Variants in GIGYF2 observed in about 807,000 individuals in gnomAD.
The protein encoded by GIGYF2 is GRB10 interacting GYF protein 2.
A neutral mutation model predicts 208.1 loss-of-function variants in GIGYF2; 25 were observed. The ratio of observed to expected loss-of-function variants is 0.12; its 90% confidence interval spans 0.09 to 0.17. The LOEUF is 0.17. Ranked by LOEUF, GIGYF2 falls within the 10% of genes least tolerant of loss-of-function variation. The pLI is 1.00. For synonymous variants in GIGYF2, 534 were observed against 543.8 expected, an observed-to-expected ratio of 0.98 and a Z score of 0.25; for missense variants, 1,302 against 1,579.4, an observed-to-expected ratio of 0.82 and a Z score of 2.98.
At chr2:232,754,711 A>G (rs570070455) in intron 5 of GIGYF2, among the ~76,000 whole-genome samples, 1 of 152,308 alleles carries the variant, frequency 6.6e-6, no homozygotes, top group East Asian at 1.9e-4. Flanking sequence ...TCTGTGCTAA[A>G]AGGTAAGTTA....
intron 21 of GIGYF2, among the ~76,000 whole-genome samples, chr2:232,824,645 G>A (rs1446207951): frequency 6.6e-6 from 1 of 152,244 alleles, no homozygotes; most frequent in Non-Finnish European, 1.5e-5. Context: ...AGCACAAGGT[G>A]AAGCAGCTAG....
chr2:232,837,904 A>G (rs1163343129), intron 22 of GIGYF2, among the ~76,000 whole-genome samples: 1 of 152,238 alleles, frequency 6.6e-6, no homozygotes, highest in Non-Finnish European at 1.5e-5. Context: ...TAGCAATGTC[A>G]GCGCAGAACA....
chr2:232,706,908 T>A (rs1696139744), intron 2 of GIGYF2, among the ~76,000 whole-genome samples: 1 of 145,698 alleles, frequency 6.9e-6, no homozygotes, highest in Non-Finnish European at 1.5e-5. Context: ...ATTGCACCAC[T>A]GCATCCCTAC....
intron 9 of GIGYF2, chr2:232,788,511 C>A: frequency 2.1e-6 from 1 of 466,230 alleles, no homozygotes; most frequent in South Asian, 1.6e-5. Flanking sequence ...AGACTATGTT[C>A]CCAACAAGCA....
chr2:232,799,160 ATT>A (rs1467375757), intron 14 of GIGYF2, among the ~76,000 whole-genome samples: 1 of 152,074 alleles, frequency 6.6e-6, no homozygotes, highest in African/African-American at 2.4e-5. Flanking sequence ...ACTGAATAAT[ATT>A]CCCCTGTAGG....
At chr2:232,810,423 G>A (rs903776064) in intron 16 of GIGYF2, 3 of 153,396 alleles carry the variant, frequency 2.0e-5, no homozygotes, top group Non-Finnish European at 2.9e-5. Flanking sequence ...GTATATAAGC[G>A]AGAGGGTGGG....
chr2:232,768,702 A>C, intron 8 of GIGYF2: 1 of 1,604,644 alleles, frequency 6.2e-7, no homozygotes, highest in Non-Finnish European at 8.5e-7. Flanking sequence ...GGTGTTGGCC[A>C]CTTGGAAGAT....
chr2:232,728,268 C>T (rs1012935730), intron 2 of GIGYF2, among the ~76,000 whole-genome samples: 4 of 152,090 alleles, frequency 2.6e-5, no homozygotes, highest in Admixed American at 2.6e-4. Flanking sequence ...CATGGGTTGT[C>T]AGATTGACGA....
intron 2 of GIGYF2, among the ~76,000 whole-genome samples, chr2:232,713,474 C>G (rs1320029844): frequency 2.6e-5 from 4 of 152,178 alleles, no homozygotes; most frequent in African/African-American, 9.7e-5. Context: ...GTGCGGAATT[C>G]CAGTTATTAA....
At chr2:232,855,160 C>T (rs1344509805) in intron 28 of GIGYF2, among the ~76,000 whole-genome samples, 2 of 142,786 alleles carry the variant, frequency 1.4e-5, no homozygotes, top group Non-Finnish European at 3.0e-5. Context: ...TATCTCAGCT[C>T]ACTAAAATCT....
intron 2 of GIGYF2, among the ~76,000 whole-genome samples, chr2:232,733,630 C>T (rs12478564): frequency 0.32 from 48,133 of 151,956 alleles, 7,986 homozygotes; most frequent in South Asian, 0.62. Context: ...TACAGTTGTC[C>T]CTCAGTATCC....
rs1700569703 is a variant in GIGYF2, at chr2:232,806,621, T to C, written c.1770T>C (p.Val590=). 12 of 1,613,300 alleles carry C rather than the reference T, an allele frequency of 7.4e-6. No individual in the cohort carries two copies. Among genetic ancestry groups the C allele is most frequent in the African/African-American group, 2.7e-5 (2 of 75,008 alleles). ...ATATCATGAAAATGTGGGGAAGGGTTCCCTTTTCTCCAGGTCCAGCTCCCC... is the reference window on the plus strand; with the variant it reads ...ATATCATGAAAATGTGGGGAAGGGTCCCCTTTTCTCCAGGTCCAGCTCCCC... ...LGDIMKMWGR[V]PFSPGPAPPP... Residue 590 remains valine, a synonymous_variant, in exon 15 of 29, where the codon GTT becomes GTC. Coordinates refer to ENST00000373563, the MANE Select transcript of GIGYF2 (RefSeq NM_001103146.3). The surrounding 1 kb of genome is among the most constrained non-coding windows in gnomAD (Gnocchi z 4.0).
intron 2 of GIGYF2, among the ~76,000 whole-genome samples, chr2:232,718,772 C>T (rs766841877): frequency 7.2e-5 from 11 of 152,082 alleles, no homozygotes; most frequent in East Asian, 1.9e-4. Flanking sequence ...ACTACTGATT[C>T]GTTTAGTATA....
chr2:232,825,994 G>C (rs1457660629), intron 21 of GIGYF2, among the ~76,000 whole-genome samples: 2 of 152,056 alleles, frequency 1.3e-5, no homozygotes, highest in African/African-American at 4.8e-5. Flanking sequence ...TTAGAATGAT[G>C]ATTTCCAGCT....
intron 21 of GIGYF2, 118 bp from the exon 22 acceptor site, chr2:232,832,739 A>C (rs1184737744): frequency 5.5e-6 from 4 of 733,638 alleles, no homozygotes; most frequent in Non-Finnish European, 9.3e-6. Context: ...TCATGAACAG[A>C]GTTTCTGCTT....
intron 3 of GIGYF2, among the ~76,000 whole-genome samples, chr2:232,744,035 A>G (rs1006144529): frequency 6.6e-5 from 10 of 152,068 alleles, no homozygotes; most frequent in African/African-American, 2.2e-4. Flanking sequence ...TTGGAGAGAC[A>G]GGATCTCACT....
At chr2:232,778,429 A>G (rs376897789) in intron 8 of GIGYF2, among the ~76,000 whole-genome samples, 2 of 152,240 alleles carry the variant, frequency 1.3e-5, no homozygotes, top group South Asian at 4.1e-4. Context: ...TATGGTCTAT[A>G]AACAGTGATT....
chr2:232,792,739 T>C (rs540664305), intron 12 of GIGYF2, among the ~76,000 whole-genome samples: 25 of 152,336 alleles, frequency 1.6e-4, no homozygotes, highest in African/African-American at 6.0e-4. Flanking sequence ...GAGACTGATA[T>C]ATCTTTGAGG....
intron 21 of GIGYF2, among the ~76,000 whole-genome samples, chr2:232,830,153 C>T (rs1701384943): frequency 6.6e-6 from 1 of 152,008 alleles, no homozygotes; most frequent in Non-Finnish European, 1.5e-5. Flanking sequence ...CTAATTTTTA[C>T]TTTATGTTTT....
Sources: gnomAD v4.1 joint callset for allele counts (sites outside exome capture counted in the v4.1 genomes callset) on GRCh38, gnomAD v4.1.1 for gene constraint, Gnocchi (gnomAD v3.1) non-coding constraint, MANE v1.5 for transcripts, NCBI Gene and HGNC (gene_info 2026-07-23, HGNC 2026-07-21) for gene names.